The following DNAAF9 variants were observed in gnomAD, a reference collection of about 807,000 sequenced individuals.
The protein encoded by DNAAF9 is shulin.
A neutral mutation model predicts 167.0 loss-of-function variants in DNAAF9; 90 were observed. That is an observed-to-expected ratio of 0.54 (90% confidence interval 0.45 to 0.64). The LOEUF (loss-of-function observed/expected upper bound fraction) is 0.64, where lower values mean the gene tolerates loss of function less well. DNAAF9 is among the 30% of genes least tolerant of loss of function. The probability of loss-of-function intolerance (pLI) is 0.00; values close to 1 mark genes in which losing one functional copy is unlikely to be tolerated. For synonymous variants in DNAAF9, 491 were observed against 508.8 expected, an observed-to-expected ratio of 0.96 and a Z score of 0.47; for missense variants, 1,315 against 1,442.2, an observed-to-expected ratio of 0.91 and a Z score of 1.43.
intron 1 of DNAAF9, among the ~76,000 whole-genome samples, chr20:3,389,713 G>A (rs1313021179): frequency 6.6e-6 from 1 of 151,706 alleles, no homozygotes; most frequent in African/African-American, 2.4e-5. Context: ...ACAACAAAAT[G>A]CAATCTATGA....
chr20:3,297,022 G>A (rs1206404172), intron 22 of DNAAF9, 73 bp from the exon 23 acceptor site: 2 of 824,032 alleles, frequency 2.4e-6, no homozygotes, highest in African/African-American at 3.4e-5. Context: ...ATGGGGATTT[G>A]ATGGTTGTTG....
chr20:3,256,977 G>A (rs546763412), intron 33 of DNAAF9, among the ~76,000 whole-genome samples: 1 of 152,032 alleles, frequency 6.6e-6, no homozygotes, highest in East Asian at 1.9e-4. Flanking sequence ...CTCCAGCCTG[G>A]GCAACAGAGC....
intron 29 of DNAAF9, among the ~76,000 whole-genome samples, chr20:3,278,235 T>C (rs78620939): frequency 0.063 from 9,598 of 152,046 alleles, 388 homozygotes; most frequent in Non-Finnish European, 0.083. Context: ...CCAGGGTGCA[T>C]AGGGGTGGGA....
At chr20:3,361,452 C>T (rs542776378) in intron 6 of DNAAF9, among the ~76,000 whole-genome samples, 3 of 152,250 alleles carry the variant, frequency 2.0e-5, no homozygotes, top group Non-Finnish European at 4.4e-5. Context: ...TCTAACAAGC[C>T]CCCCAGGCTA....
At chr20:3,375,152 T>C (rs2083559012) in intron 4 of DNAAF9, 26 bp from the exon 5 acceptor site, 1 of 1,311,574 alleles carries the variant, frequency 7.6e-7, no homozygotes, top group East Asian at 2.3e-5. Flanking sequence ...AAAAGAAAAA[T>C]AAGCTCTGAT....
At chr20:3,356,627 G>T (rs1057297311) in intron 7 of DNAAF9, among the ~76,000 whole-genome samples, 4 of 151,348 alleles carry the variant, frequency 2.6e-5, no homozygotes, top group Non-Finnish European at 5.9e-5. Context: ...TAGTTTATTA[G>T]TGAGGTTATT....
At chr20:3,337,068 A>G (rs1462370768) in intron 10 of DNAAF9, among the ~76,000 whole-genome samples, 1 of 150,938 alleles carries the variant, frequency 6.6e-6, no homozygotes, top group Non-Finnish European at 1.5e-5. Flanking sequence ...TTTAGTAGAG[A>G]TGGGGTTTCA....
At chr20:3,387,866 C>A (rs1013541494) in intron 1 of DNAAF9, among the ~76,000 whole-genome samples, 20 of 128,638 alleles carry the variant, frequency 1.6e-4, no homozygotes, top group Non-Finnish European at 2.8e-4. Flanking sequence ...CACAGGGAGA[C>A]CCTGTCTCTA....
chr20:3,308,592 C>T (rs1369282268), intron 20 of DNAAF9, among the ~76,000 whole-genome samples: 1 of 151,974 alleles, frequency 6.6e-6, no homozygotes, highest in African/African-American at 2.4e-5. Flanking sequence ...GACCTGCCCG[C>T]CTCGGCCTTC....
At chr20:3,403,198 C>T (rs1397093674) in intron 1 of DNAAF9, among the ~76,000 whole-genome samples, 1 of 152,154 alleles carries the variant, frequency 6.6e-6, no homozygotes, top group East Asian at 1.9e-4. Flanking sequence ...ATCCAAGCAG[C>T]TCAACACAGC....
At chr20:3,406,045 A>C (rs8117749) in intron 1 of DNAAF9, among the ~76,000 whole-genome samples, 36,813 of 152,122 alleles carry the variant, frequency 0.24, 5,066 homozygotes, top group African/African-American at 0.36. Flanking sequence ...ATGTCACCTG[A>C]CAGATTCGAA....
At chr20:3,389,727 T>C (rs377388762) in intron 1 of DNAAF9, among the ~76,000 whole-genome samples, 1 of 151,470 alleles carries the variant, frequency 6.6e-6, no homozygotes, top group Non-Finnish European at 1.5e-5. Flanking sequence ...TCTATGAACT[T>C]TAAATTTTTT....
chr20:3,375,174 C>T (rs559593439), intron 4 of DNAAF9, 48 bp from the exon 5 acceptor site: 2 of 1,104,742 alleles, frequency 1.8e-6, no homozygotes, highest in Admixed American at 1.7e-5. Context: ...AGATATCACA[C>T]AAATTCCCAT....
In DNAAF9 at chr20:3,315,857, G is replaced by A; in HGVS notation, c.1540-72C>T. On this transcript the variant is annotated intron_variant, in intron 18 of 36. Transcript: ENST00000252032. This position sits in a 1 kb window ranked among gnomAD's most constrained non-coding sequence, Gnocchi z 4.1. The stretch of plus-strand genomic sequence containing the variant: ...AAACCCTGCTAGGTCTCCCCACTGT[G>A]TTCAAATATTTCCAGGACACTGGCT... 1 of 1,126,846 alleles carries A rather than the reference G, an allele frequency of 8.9e-7. No individual in the cohort carries two copies. The highest frequency in any genetic ancestry group is 1.4e-6 in the Non-Finnish European group (1 of 735,248). 69.8% of individuals were successfully genotyped at this position (1,126,846 alleles called of 1,614,324 possible).
In DNAAF9 at chr20:3,340,529, G is replaced by T. The variant is rs921934257; in HGVS notation, c.956C>A (p.Pro319His). The change falls in exon 10 of 37, where the codon CCC becomes CAC. Residue 319 changes from proline to histidine, a missense_variant. Pro to His is a moderately conservative substitution (Grantham distance 77). This residue lies in a region of DNAAF9 where 981 missense variants were observed against 1,012.5 expected (regional missense o/e 0.97). Coordinates refer to ENST00000252032, the MANE Select transcript of DNAAF9 (RefSeq NM_001009984.3). Reference protein sequence around the residue: ...SEGHLVRSTGPGGSFAKHMVA... With the variant: ...SEGHLVRSTGHGGSFAKHMVA... ...CATGTGCTTGGCAAAGCTCCCGCCG[G>T]GACCAGTGCTTCGTACCAGATGTCC... 2 of 1,524,156 alleles carry T rather than the reference G, an allele frequency of 1.3e-6. No individual in the cohort carries two copies. Among genetic ancestry groups the T allele is most frequent in the Non-Finnish European group, 1.8e-6 (2 of 1,126,132 alleles). The allele number at this position is 1,524,156 out of a possible 1,614,324, so 94.4% of individuals were successfully genotyped here. A position where few individuals can be genotyped will look rare whatever the true frequency, so the allele number is the denominator to read the frequency against.
chr20:3,252,602 C>A lies in DNAAF9; in HGVS notation c.3504G>T (p.Glu1168Asp). Residue 1168 changes from glutamate (E) to aspartate (D), a missense_variant, in exon 37 of 37, where the codon GAG (glutamate) becomes GAT (aspartate). By Grantham distance (45) the Glu-to-Asp change is conservative (BLOSUM62 2). Coordinates refer to ENST00000252032, the MANE Select transcript of DNAAF9 (RefSeq NM_001009984.3). ...GCTTCAGCTCAAAGAGGTCATGATA[C>A]TCCTGCTGTTCCAGCTCCTGGTTAT... ...EKYNQELEQQ[E>D]YHDLFELKP The A allele has an allele frequency of 6.2e-7, 1 of 1,610,610 alleles. No individual in the cohort carries two copies. The highest frequency in any genetic ancestry group is 8.5e-7 in the Non-Finnish European group (1 of 1,176,796).
intron 10 of DNAAF9, among the ~76,000 whole-genome samples, chr20:3,334,900 T>C (rs1249663033): frequency 2.0e-5 from 3 of 151,958 alleles, no homozygotes; most frequent in African/African-American, 7.3e-5. Flanking sequence ...TTCCCTGGAG[T>C]TTTCAAGTCT....
chr20:3,349,204 C>CAA (rs56109511), intron 7 of DNAAF9, among the ~76,000 whole-genome samples: 2 of 85,542 alleles, frequency 2.3e-5, no homozygotes, highest in African/African-American at 9.9e-5. Context: ...AAAAAAAAAA[C>CAA]AAAAAAAAAA....
chr20:3,347,687 G>C (rs772495079), intron 8 of DNAAF9, among the ~76,000 whole-genome samples: 2 of 152,120 alleles, frequency 1.3e-5, no homozygotes, highest in East Asian at 1.9e-4. Flanking sequence ...CAGCACTTTG[G>C]GGGGCTGAGG....
Sources: gnomAD v4.1 joint callset for allele counts (sites outside exome capture counted in the v4.1 genomes callset) on GRCh38, gnomAD v4.1.1 for gene constraint, gnomAD v4.1.1 regional missense constraint, Gnocchi (gnomAD v3.1) non-coding constraint, MANE v1.5 for transcripts, NCBI Gene and HGNC (gene_info 2026-07-23, HGNC 2026-07-21) for gene names.